The following HS6ST2 variants were observed in gnomAD, a reference collection of about 807,000 sequenced individuals.
HS6ST2 encodes heparan sulfate 6-O-sulfotransferase 2, also known as heparan-sulfate 6-O-sulfotransferase 2.
A neutral mutation model predicts 33.0 loss-of-function variants in HS6ST2; 17 were observed. That is an observed-to-expected ratio of 0.52 (90% CI 0.35 to 0.77). The LOEUF is 0.77. Among genes scored for constraint, HS6ST2 ranks in the 30% least tolerant of loss-of-function variants. HS6ST2 has a pLI of 0.01. For missense variants in HS6ST2, 519 were observed against 551.7 expected, an observed-to-expected ratio of 0.94 and a Z score of 0.59; for synonymous variants, 248 against 237.1, an observed-to-expected ratio of 1.05 and a Z score of -0.42.
intron 4 of HS6ST2, among the ~76,000 whole-genome samples, chrX:132,647,208 T>TC (rs2063652511): frequency 9.0e-6 from 1 of 111,163 alleles, no homozygotes; most frequent in Non-Finnish European, 1.9e-5. Context: ...GCTGTGTGCA[T>TC]CCCCTCTTCT....
At chrX:132,933,626 A>G (rs1018571169) in intron 2 of HS6ST2, among the ~76,000 whole-genome samples, 1 of 111,723 alleles carries the variant, frequency 9.0e-6, no homozygotes, top group Non-Finnish European at 1.9e-5. Flanking sequence ...AGCTCAATGA[A>G]CTGCAAGTAG....
chrX:132,759,251 A>G (rs1288265045), intron 2 of HS6ST2, among the ~76,000 whole-genome samples: 1 of 112,206 alleles, frequency 8.9e-6, no homozygotes, highest in Non-Finnish European at 1.9e-5. Flanking sequence ...CCAGGCAAAG[A>G]AAATAATGTG....
chrX:132,943,427 C>T (rs772290189), intron 2 of HS6ST2, among the ~76,000 whole-genome samples: 11 of 111,192 alleles, frequency 9.9e-5, no homozygotes, highest in African/African-American at 2.3e-4. Flanking sequence ...CTACCTCAGA[C>T]GTACAAAGAG....
At chrX:132,665,041 AAG>A (rs2063799364) in intron 4 of HS6ST2, among the ~76,000 whole-genome samples, 1 of 112,153 alleles carries the variant, frequency 8.9e-6, no homozygotes, top group African/African-American at 3.2e-5. Context: ...CTGTTGAGGA[AAG>A]GTAGCTGTCC....
chrX:132,918,909 G>A (rs1456514071), intron 2 of HS6ST2, among the ~76,000 whole-genome samples: 1 of 112,274 alleles, frequency 8.9e-6, no homozygotes, highest in Non-Finnish European at 1.9e-5. Context: ...GCTAACAGAG[G>A]GGAACAATGT....
intron 2 of HS6ST2, among the ~76,000 whole-genome samples, chrX:132,779,228 G>C (rs2064995764): frequency 9.0e-6 from 1 of 111,655 alleles, no homozygotes; most frequent in African/African-American, 3.3e-5. Context: ...TTTAAAACAT[G>C]CTTCATACCT....
chrX:132,638,561 C>T (rs2063578909), intron 4 of HS6ST2, among the ~76,000 whole-genome samples: 2 of 112,164 alleles, frequency 1.8e-5, no homozygotes, highest in African/African-American at 6.5e-5. Context: ...CATTTGCAGA[C>T]AGTGGGTTAC....
rs201499423 is a variant in HS6ST2 at position 132,718,865 on chromosome X, G to GTC, written c.948-10373_948-10372dup. ...AAAGAGAAGTTGGCAGACAGATCAG[G>GTC]TCTCTCTCTCTCTCTCTCTCTCTTT... On this transcript the variant is annotated intron_variant, in intron 2 of 4. Transcript: ENST00000370833. Among the ~76,000 whole-genome samples, 242 of 106,994 alleles carry GTC rather than the reference G, an allele frequency of 2.3e-3. 2 individuals carry two copies. Among genetic ancestry groups the GTC allele is most frequent in the African/African-American group, 5.4e-3 (160 of 29,584 alleles). 92.9% of individuals were successfully genotyped at this position (106,994 alleles called of 115,157 possible). A position where few individuals can be genotyped will look rare whatever the true frequency, so the allele number is the denominator to read the frequency against.
intron 4 of HS6ST2, among the ~76,000 whole-genome samples, chrX:132,638,959 A>G (rs1373495789): frequency 8.9e-6 from 1 of 112,525 alleles, no homozygotes; most frequent in Non-Finnish European, 1.9e-5. Flanking sequence ...CCTCTGATTA[A>G]CTAAAAGTAA....
chrX:132,740,478 G>A (rs1310615153), intron 2 of HS6ST2, among the ~76,000 whole-genome samples: 2 of 111,459 alleles, frequency 1.8e-5, no homozygotes, highest in Non-Finnish European at 3.8e-5. Context: ...GGGGGTGTGG[G>A]GGTGCTGAAA....
At chrX:132,694,564 G>A (rs758706716) in intron 3 of HS6ST2, among the ~76,000 whole-genome samples, 2 of 111,460 alleles carry the variant, frequency 1.8e-5, no homozygotes, top group Admixed American at 9.6e-5. Context: ...AGGAGATGGA[G>A]AGCCACTGCT....
intron 2 of HS6ST2, among the ~76,000 whole-genome samples, chrX:132,932,053 G>A (rs1284922689): frequency 9.2e-6 from 1 of 108,723 alleles, no homozygotes. Flanking sequence ...GGGCGTGGTG[G>A]TGGGCGCCTG....
At chrX:132,841,296 T>C (rs2065704799) in intron 2 of HS6ST2, among the ~76,000 whole-genome samples, 1 of 111,370 alleles carries the variant, frequency 9.0e-6, no homozygotes, top group African/African-American at 3.3e-5. Context: ...TCAGTATACA[T>C]ATTGCTTAGT....
intron 2 of HS6ST2, among the ~76,000 whole-genome samples, chrX:132,929,332 C>T (rs2066741543): frequency 9.0e-6 from 1 of 110,604 alleles, no homozygotes; most frequent in African/African-American, 3.3e-5. Flanking sequence ...TTACAGAAAA[C>T]ACACATGACA....
chrX:132,847,254 A>AT (rs1476414614), intron 2 of HS6ST2, among the ~76,000 whole-genome samples: 1 of 111,675 alleles, frequency 9.0e-6, no homozygotes, highest in Middle Eastern at 4.2e-3. Flanking sequence ...CCTTGATGCT[A>AT]TTAACATTCT....
intron 3 of HS6ST2, among the ~76,000 whole-genome samples, chrX:132,690,596 T>C (rs775880184): frequency 5.6e-4 from 63 of 111,998 alleles, no homozygotes; most frequent in African/African-American, 1.9e-3. Context: ...CAACAGTTTA[T>C]TTTTCGTGTT....
intron 1 of HS6ST2, 135 bp downstream of exon 1, chrX:132,958,040 A>C: frequency 1.7e-6 from 1 of 601,534 alleles, no homozygotes. Context: ...ACCCCTCCGG[A>C]GACCCTAGCC....
At chrX:132,645,946 C>A (rs973884872) in intron 4 of HS6ST2, among the ~76,000 whole-genome samples, 1 of 111,922 alleles carries the variant, frequency 8.9e-6, no homozygotes, top group Non-Finnish European at 1.9e-5. Flanking sequence ...GAGAAATAGA[C>A]AGTTCCAGTC....
chrX:132,703,782 T>C (rs1012835716), intron 3 of HS6ST2, among the ~76,000 whole-genome samples: 2 of 112,545 alleles, frequency 1.8e-5, no homozygotes, highest in African/African-American at 3.2e-5. Flanking sequence ...CAGATTTATG[T>C]ACATTCCTTT....
Sources: gnomAD v4.1 joint callset for allele counts (sites outside exome capture counted in the v4.1 genomes callset) on GRCh38, gnomAD v4.1.1 for gene constraint, MANE v1.5 for transcripts, NCBI Gene and HGNC (gene_info 2026-07-23, HGNC 2026-07-21) for gene names.